The following PTPRN2 variants were observed in gnomAD, a reference collection of about 807,000 sequenced individuals.
PTPRN2 encodes receptor-type tyrosine-protein phosphatase N2.
A neutral mutation model predicts 118.8 loss-of-function variants in PTPRN2; 74 were observed. That is an observed-to-expected ratio of 0.62 (90% CI 0.52 to 0.76). The LOEUF is 0.76. PTPRN2 is among the 30% of genes least tolerant of loss of function. PTPRN2 has a pLI of 0.00. For missense variants in PTPRN2, 1,481 were observed against 1,394.4 expected, an observed-to-expected ratio of 1.06 and a Z score of -0.99; for synonymous variants, 641 against 608.0, an observed-to-expected ratio of 1.05 and a Z score of -0.80.
At chr7:157,938,950 T>C (rs950188581) in intron 11 of PTPRN2, among the ~76,000 whole-genome samples, 2 of 152,138 alleles carry the variant, frequency 1.3e-5, no homozygotes, top group Non-Finnish European at 2.9e-5. Flanking sequence ...GCAAACTTCT[T>C]GTCCATGATC....
chr7:158,555,784 T>TG lies in PTPRN2; in HGVS notation c.112+31773dup, dbSNP rs772969516. Among the ~76,000 whole-genome samples the TG allele has an allele frequency of 1.1e-4, 16 of 151,968 alleles. No individual in the cohort carries two copies. The highest frequency in any genetic ancestry group is 2.2e-4 in the Non-Finnish European group (15 of 67,986). ...CCCACTGCCTAGCAGGCCATCTACA[T>TG]GGGGCAGACCACAGAGACAGGCTCC... On this transcript the variant is annotated intron_variant, in intron 1 of 22. Transcript: ENST00000389418. This position sits in a 1 kb window ranked among gnomAD's most constrained non-coding sequence, Gnocchi z 4.7.
At chr7:157,843,394 G>C (rs955902404) in intron 12 of PTPRN2, among the ~76,000 whole-genome samples, 1 of 152,130 alleles carries the variant, frequency 6.6e-6, no homozygotes, top group African/African-American at 2.4e-5. Flanking sequence ...TGTGGTGGTA[G>C]GGGGGCCGGC....
intron 4 of PTPRN2, among the ~76,000 whole-genome samples, chr7:158,202,473 A>G (rs951523019): frequency 3.9e-5 from 6 of 152,128 alleles, no homozygotes; most frequent in African/African-American, 1.4e-4. Flanking sequence ...CCTGGGGAAG[A>G]GCTGGGGAAC....
chr7:158,340,318 A>G (rs1327472375), intron 2 of PTPRN2, among the ~76,000 whole-genome samples: 1 of 102,290 alleles, frequency 9.8e-6, no homozygotes, highest in Non-Finnish European at 2.1e-5. Context: ...ACACCCACAG[A>G]CATCACTCAC....
intron 11 of PTPRN2, among the ~76,000 whole-genome samples, chr7:157,971,956 C>T (rs1802363253): frequency 1.3e-5 from 2 of 152,190 alleles, no homozygotes; most frequent in Admixed American, 1.3e-4. Context: ...GTTCTGCATA[C>T]CCAAGTGAGA....
intron 4 of PTPRN2, among the ~76,000 whole-genome samples, chr7:158,200,738 TA>T (rs1826580381): frequency 6.6e-6 from 1 of 152,130 alleles, no homozygotes; most frequent in African/African-American, 2.4e-5. Flanking sequence ...AATTAGACAC[TA>T]ATTTGAAGTT....
At chr7:157,851,995 G>C (rs369237434) in intron 12 of PTPRN2, among the ~76,000 whole-genome samples, 3 of 152,284 alleles carry the variant, frequency 2.0e-5, no homozygotes, top group African/African-American at 2.4e-5. Flanking sequence ...ATAACCACCC[G>C]CTCAGAAGAA....
chr7:157,560,386 G>A lies in PTPRN2; in HGVS notation c.2902+8516C>T, dbSNP rs1799125010. On this transcript the variant is annotated intron_variant, in intron 21 of 22. Coordinates refer to ENST00000389418, the MANE Select transcript of PTPRN2 (RefSeq NM_002847.5). This position sits in a 1 kb window ranked among gnomAD's most constrained non-coding sequence, Gnocchi z 6.7. The stretch of plus-strand genomic sequence containing the variant: ...AGAGCGTGTTCCCCAAGACCAGCGG[G>A]TCTCATGCTGTCCACACGCTCCCAC... Among the ~76,000 whole-genome samples the A allele has an allele frequency of 6.6e-6, 1 of 152,146 alleles. No homozygotes were observed.
intron 19 of PTPRN2, among the ~76,000 whole-genome samples, chr7:157,576,152 G>A (rs912817987): frequency 2.6e-5 from 4 of 152,248 alleles, no homozygotes; most frequent in African/African-American, 9.6e-5. Flanking sequence ...TTTCAAAATA[G>A]CCCTAAAAAT....
At chr7:157,904,788 C>A (rs998126557) in intron 11 of PTPRN2, among the ~76,000 whole-genome samples, 1 of 152,254 alleles carries the variant, frequency 6.6e-6, no homozygotes, top group African/African-American at 2.4e-5. Flanking sequence ...GAGGCCCGCA[C>A]CTCCCTCCTC....
At position 157,622,378 on chromosome 7, in the gene PTPRN2, G is replaced by A. The variant is rs569865463; in HGVS notation, c.2197-869C>T. ...TGGTCCTTTGCTGCAAAGCGGCCACGCATTCCAATGTCAGGCCCGGGGTCC... is the reference window on the plus strand; with the variant it reads ...TGGTCCTTTGCTGCAAAGCGGCCACACATTCCAATGTCAGGCCCGGGGTCC... On this transcript the variant is annotated intron_variant, in intron 14 of 22. Transcript: ENST00000389418. This position sits in a 1 kb window ranked among gnomAD's most constrained non-coding sequence, Gnocchi z 5.3. Among the ~76,000 whole-genome samples the A allele has an allele frequency of 9.9e-5, 15 of 152,200 alleles. No homozygotes were observed. The highest frequency in any genetic ancestry group is 9.7e-4 in the East Asian group (5 of 5,138).
intron 9 of PTPRN2, among the ~76,000 whole-genome samples, chr7:158,121,112 T>C (rs1430686776): frequency 6.6e-6 from 1 of 152,140 alleles, no homozygotes; most frequent in East Asian, 1.9e-4. Context: ...CTTTTCTCTC[T>C]GCCTGGGCCT....
At chr7:158,441,814 GAT>G (rs1817303805) in intron 2 of PTPRN2, among the ~76,000 whole-genome samples, 11 of 141,350 alleles carry the variant, frequency 7.8e-5, no homozygotes, top group African/African-American at 3.0e-4. Flanking sequence ...CAGTGGTGGT[GAT>G]GGTGATAGTG....
intron 17 of PTPRN2, among the ~76,000 whole-genome samples, chr7:157,579,625 G>A (rs1047073200): frequency 2.6e-5 from 4 of 152,216 alleles, no homozygotes; most frequent in Non-Finnish European, 5.9e-5. Flanking sequence ...GGGGGGACCC[G>A]GACGGCCTGG....
chr7:158,062,903 C>A (rs1184003684), intron 11 of PTPRN2, among the ~76,000 whole-genome samples: 1 of 152,212 alleles, frequency 6.6e-6, no homozygotes, highest in Non-Finnish European at 1.5e-5. Flanking sequence ...AAGCGCCGCC[C>A]CCTGCTCCGC....
chr7:158,232,766 G>A (rs532615499), intron 3 of PTPRN2, among the ~76,000 whole-genome samples: 27 of 152,182 alleles, frequency 1.8e-4, no homozygotes, highest in Non-Finnish European at 2.5e-4. Flanking sequence ...ATACAATGAC[G>A]ATTCAAAATA....
At chr7:158,188,892 C>A (rs183106720) in intron 5 of PTPRN2, among the ~76,000 whole-genome samples, 2 of 152,138 alleles carry the variant, frequency 1.3e-5, no homozygotes, top group Non-Finnish European at 2.9e-5. Flanking sequence ...GTTAGTGTGA[C>A]GAGGCCACGG....
At chr7:158,578,537 T>TAAAAAAAA (rs59811856) in intron 1 of PTPRN2, among the ~76,000 whole-genome samples, 5 of 125,894 alleles carry the variant, frequency 4.0e-5, no homozygotes, top group Non-Finnish European at 3.3e-5. Context: ...CCTGTCTCTG[T>TAAAAAAAA]AAAAAAAAAA....
At chr7:157,865,528 G>A (rs1192804732) in intron 12 of PTPRN2, 1 of 152,302 alleles carries the variant, frequency 6.6e-6, no homozygotes, top group Non-Finnish European at 1.5e-5. Context: ...CTGCAAAGCT[G>A]GTCTGACTGT....
Sources: gnomAD v4.1 joint callset for allele counts (sites outside exome capture counted in the v4.1 genomes callset) on GRCh38, gnomAD v4.1.1 for gene constraint, Gnocchi (gnomAD v3.1) non-coding constraint, MANE v1.5 for transcripts, NCBI Gene and HGNC (gene_info 2026-07-23, HGNC 2026-07-21) for gene names.